TPTE2: variants seen among roughly 807,000 people sequenced by gnomAD.
The protein encoded by TPTE2 is transmembrane phosphoinositide 3-phosphatase and tensin homolog 2, also known as phosphatidylinositol 3,4,5-trisphosphate 3-phosphatase TPTE2.
Under a neutral mutation model 78.6 loss-of-function variants are expected in TPTE2, and 53 were observed. That is an observed-to-expected ratio of 0.67 (90% confidence interval 0.54 to 0.85). The LOEUF (loss-of-function observed/expected upper bound fraction) is 0.85. TPTE2 is among the 40% of genes least tolerant of loss of function. TPTE2 has a pLI of 0.00. For missense variants in TPTE2, 461 were observed against 623.0 expected (o/e 0.74, Z 2.77); for synonymous variants, 175 against 206.2 (o/e 0.85, Z 1.30).
At chr13:19,452,348 T>C (rs1878237837) in intron 10 of TPTE2, among the ~76,000 whole-genome samples, 1 of 152,136 alleles carries the variant, frequency 6.6e-6, no homozygotes, top group Non-Finnish European at 1.5e-5. Flanking sequence ...AGGCTTAGGT[T>C]TGACTTCATA....
At chr13:19,446,915 C>T (rs987143142) in intron 13 of TPTE2, among the ~76,000 whole-genome samples, 2 of 152,108 alleles carry the variant, frequency 1.3e-5, no homozygotes, top group Admixed American at 6.6e-5. Context: ...TGCACTCCAG[C>T]CTGAGTGACA....
intron 1 of TPTE2, among the ~76,000 whole-genome samples, chr13:19,525,749 C>G (rs892270680): frequency 6.6e-6 from 1 of 152,158 alleles, no homozygotes; most frequent in East Asian, 1.9e-4. Flanking sequence ...ACAGATTGAA[C>G]AGACAGCCTA....
chr13:19,458,808 A>G (rs1239680242), intron 10 of TPTE2: 3 of 345,694 alleles, frequency 8.7e-6, no homozygotes, highest in Admixed American at 3.3e-5. Flanking sequence ...TCTTTATCCA[A>G]TCTATCATCG....
intron 1 of TPTE2, among the ~76,000 whole-genome samples, chr13:19,502,205 G>A (rs1347162352): frequency 6.8e-5 from 9 of 131,822 alleles, no homozygotes; most frequent in Non-Finnish European, 1.5e-4. Flanking sequence ...TGGTGGGACT[G>A]TAAACTAGTT....
intron 1 of TPTE2, among the ~76,000 whole-genome samples, chr13:19,532,585 T>C (rs1315906464): frequency 1.3e-5 from 2 of 152,216 alleles, no homozygotes; most frequent in Non-Finnish European, 2.9e-5. Flanking sequence ...CATTACCCAG[T>C]CTGTGGTATT....
chr13:19,495,100 G>T (rs573939984), intron 1 of TPTE2, among the ~76,000 whole-genome samples: 1 of 152,126 alleles, frequency 6.6e-6, no homozygotes, highest in African/African-American at 2.4e-5. Context: ...GTCCCGCTTC[G>T]TATAATCCCA....
At chr13:19,509,221 T>C (rs1869268249) in intron 1 of TPTE2, among the ~76,000 whole-genome samples, 1 of 151,846 alleles carries the variant, frequency 6.6e-6, no homozygotes, top group Admixed American at 6.6e-5. Context: ...AGTAGAAAGG[T>C]TGGAAAAGAA....
the TPTE2 span, among the ~76,000 whole-genome samples, chr13:19,555,957 C>T: frequency 0.025 from 3,766 of 151,728 alleles, 170 homozygotes; most frequent in African/African-American, 0.087. Flanking sequence ...GGATTACAGG[C>T]GCCCACCACC....
chr13:19,462,183 A>T (rs1450220918), intron 10 of TPTE2, among the ~76,000 whole-genome samples: 2 of 151,792 alleles, frequency 1.3e-5, no homozygotes, highest in African/African-American at 4.8e-5. Flanking sequence ...GTATATCTGT[A>T]CTACCAGTGA....
At chr13:19,456,920 C>T (rs1298411528) in intron 10 of TPTE2, among the ~76,000 whole-genome samples, 1 of 152,130 alleles carries the variant, frequency 6.6e-6, no homozygotes, top group Admixed American at 6.5e-5. Context: ...TACACAAGTT[C>T]TCAAGAGTCA....
chr13:19,557,341 T>C, the TPTE2 span, among the ~76,000 whole-genome samples: 2 of 152,324 alleles, frequency 1.3e-5, no homozygotes, highest in East Asian at 3.9e-4. Context: ...TAAGAGTGTA[T>C]GTGTGTTGCT....
At chr13:19,521,835 T>C (rs1419892759) in intron 1 of TPTE2, among the ~76,000 whole-genome samples, 1 of 152,174 alleles carries the variant, frequency 6.6e-6, no homozygotes, top group Non-Finnish European at 1.5e-5. Flanking sequence ...ATATACTCTA[T>C]GTTCATCAAC....
intron 8 of TPTE2, 68 bp from the exon 12 acceptor site, chr13:19,465,386 G>T: frequency 6.2e-7 from 1 of 1,610,176 alleles, no homozygotes; most frequent in Non-Finnish European, 8.5e-7. Flanking sequence ...ACATTATACA[G>T]TATAGATATC....
the TPTE2 span, among the ~76,000 whole-genome samples, chr13:19,544,684 C>T: frequency 6.6e-6 from 1 of 152,114 alleles, no homozygotes; most frequent in East Asian, 1.9e-4. Context: ...CTGCTTGAGC[C>T]CAGCAGTTCA....
At chr13:19,466,616 T>C (rs1180760145) in intron 7 of TPTE2, among the ~76,000 whole-genome samples, 3 of 152,248 alleles carry the variant, frequency 2.0e-5, no homozygotes, top group African/African-American at 4.8e-5. Flanking sequence ...TCTTTGTTTC[T>C]ACCACAACTA....
intron 17 of TPTE2, among the ~76,000 whole-genome samples, chr13:19,429,703 G>C (rs1335743506): frequency 6.6e-6 from 1 of 152,168 alleles, no homozygotes; most frequent in Non-Finnish European, 1.5e-5. Flanking sequence ...GAGTCGGGAG[G>C]GGGTGGCAGG....
At chr13:19,545,907 G>A in the TPTE2 span, among the ~76,000 whole-genome samples, 11 of 152,316 alleles carry the variant, frequency 7.2e-5, 1 homozygote, top group South Asian at 2.3e-3. Context: ...GCAGGGGATG[G>A]TGGCTCATGT....
intron 10 of TPTE2, among the ~76,000 whole-genome samples, chr13:19,461,665 G>A (rs1878905820): frequency 6.6e-6 from 1 of 152,024 alleles, no homozygotes; most frequent in Non-Finnish European, 1.5e-5. Context: ...TATTTGCCTT[G>A]TTTATCTGAG....
chr13:19,438,661 G>A (rs1036306781), intron 13 of TPTE2, among the ~76,000 whole-genome samples: 4 of 152,134 alleles, frequency 2.6e-5, no homozygotes, highest in African/African-American at 7.2e-5. Flanking sequence ...TTCTCTTAAG[G>A]ATGCAAGGAT....
Sources: gnomAD v4.1 joint callset for allele counts (sites outside exome capture counted in the v4.1 genomes callset) on GRCh38, gnomAD v4.1.1 for gene constraint, MANE v1.5 for transcripts, NCBI Gene and HGNC (gene_info 2026-07-23, HGNC 2026-07-21) for gene names.